Variants in SH3RF3 observed in about 807,000 individuals in gnomAD.
SH3RF3 encodes E3 ubiquitin-protein ligase SH3RF3.
SH3RF3 carries 29 observed loss-of-function variants against 66.3 expected under a neutral mutation model. The ratio of observed to expected loss-of-function variants is 0.44; its 90% CI spans 0.33 to 0.60. SH3RF3 has a LOEUF of 0.60. Ranked by LOEUF, SH3RF3 falls within the 20% of genes least tolerant of loss-of-function variation. The pLI, the probability that SH3RF3 is intolerant of heterozygous loss-of-function variation, is 0.04. For synonymous variants in SH3RF3, 583 were observed against 532.0 expected, an observed-to-expected ratio of 1.10 and a Z score of -1.32; for missense variants, 1,194 against 1,190.9, an observed-to-expected ratio of 1.00 and a Z score of -0.04.
intron 1 of SH3RF3, among the ~76,000 whole-genome samples, chr2:109,254,012 CAG>C (rs1680158445): frequency 6.6e-6 from 1 of 151,892 alleles, no homozygotes; most frequent in Non-Finnish European, 1.5e-5. Flanking sequence ...TCATACAACT[CAG>C]GGGCCAGGCA....
At chr2:109,494,057 A>G (rs1679195941) in intron 9 of SH3RF3, among the ~76,000 whole-genome samples, 1 of 152,170 alleles carries the variant, frequency 6.6e-6, no homozygotes, top group African/African-American at 2.4e-5. Flanking sequence ...GCTCGTGAGA[A>G]TGACAGACTT....
At chr2:109,211,932 C>T (rs1207119263) in intron 1 of SH3RF3, among the ~76,000 whole-genome samples, 3 of 152,170 alleles carry the variant, frequency 2.0e-5, no homozygotes, top group Non-Finnish European at 4.4e-5. Context: ...TGTGAGACAC[C>T]GCACCCAGCC....
At chr2:109,371,262 C>T (rs1474659051) in intron 2 of SH3RF3, among the ~76,000 whole-genome samples, 5 of 152,322 alleles carry the variant, frequency 3.3e-5, no homozygotes, top group Middle Eastern at 3.4e-3. Context: ...TGGTGGCACA[C>T]GCCTGTAATC....
At chr2:109,337,499 G>A (rs1400836807) in intron 1 of SH3RF3, among the ~76,000 whole-genome samples, 2 of 152,232 alleles carry the variant, frequency 1.3e-5, no homozygotes, top group Non-Finnish European at 2.9e-5. Flanking sequence ...AGGCAAGGGC[G>A]GGAGTCCTGG....
intron 1 of SH3RF3, among the ~76,000 whole-genome samples, chr2:109,325,480 A>G (rs1221689375): frequency 1.3e-5 from 2 of 151,800 alleles, no homozygotes; most frequent in South Asian, 4.2e-4. Context: ...AGATGGGACT[A>G]CAGGCATGTG....
Position 109,474,074 on chromosome 2 carries a change from T to C in SH3RF3, c.2149-16531T>C, listed in dbSNP as rs1678607750. On this transcript the variant is annotated intron_variant, in intron 8 of 9. Transcript: ENST00000309415. ...TCCTCACCTTTGGTTTGGGGGTTCG[T>C]GGCTTCCATTTGATGCACAGTCTGG... 2.0e-5 allele frequency among the ~76,000 whole-genome samples: 3 copies of C among 152,224 alleles called. No homozygotes were observed. The South Asian group carries it at 6.2e-4, about 32-fold the overall frequency.
At chr2:109,491,089 G>C (rs1477352732) in intron 9 of SH3RF3, 153 bp downstream of exon 9, 1 of 345,682 alleles carries the variant, frequency 2.9e-6, no homozygotes, top group Non-Finnish European at 4.1e-6. Flanking sequence ...CCGAGCTTGG[G>C]TGGTGAGTGC....
intron 5 of SH3RF3, among the ~76,000 whole-genome samples, chr2:109,430,018 C>T (rs970488523): frequency 6.6e-6 from 1 of 152,220 alleles, no homozygotes; most frequent in Non-Finnish European, 1.5e-5. Flanking sequence ...CTGCACCTTG[C>T]CTACCAGCCC....
intron 1 of SH3RF3, among the ~76,000 whole-genome samples, chr2:109,210,391 C>T (rs2163260): frequency 0.11 from 16,404 of 152,210 alleles, 1,545 homozygotes; most frequent in East Asian, 0.33. Flanking sequence ...TGGTCTTTTC[C>T]GTGCTCCCTC....
intron 1 of SH3RF3, among the ~76,000 whole-genome samples, chr2:109,346,268 C>T (rs1290134902): frequency 1.3e-5 from 2 of 152,140 alleles, no homozygotes. Context: ...GTCAATTTGC[C>T]AGCAGGCTCT....
intron 8 of SH3RF3, among the ~76,000 whole-genome samples, chr2:109,464,080 C>T (rs1678274328): frequency 1.3e-5 from 2 of 152,214 alleles, no homozygotes; most frequent in African/African-American, 4.8e-5. Context: ...CCAGCCCCCA[C>T]ACTGCCAGCA....
intron 1 of SH3RF3, among the ~76,000 whole-genome samples, chr2:109,283,994 G>C (rs558454974): frequency 6.6e-6 from 1 of 152,268 alleles, no homozygotes; most frequent in South Asian, 2.1e-4. Context: ...GTTTTTCCAG[G>C]AGAGCTTGCC....
At chr2:109,365,658 C>T (rs893478635) in intron 2 of SH3RF3, among the ~76,000 whole-genome samples, 1 of 152,064 alleles carries the variant, frequency 6.6e-6, no homozygotes, top group Non-Finnish European at 1.5e-5. Flanking sequence ...GTTACTGTGG[C>T]GGTTGTATTT....
In SH3RF3 at chr2:109,398,962, G is replaced by A; in HGVS notation, c.1299+19G>A. On this transcript the variant is annotated intron_variant, in intron 4 of 9. Coordinates refer to ENST00000309415, the MANE Select transcript of SH3RF3 (RefSeq NM_001099289.3). Reference sequence around the variant, plus strand: ...CACCCAGGTAACATCCCGCGGGCCAGGGCAGGCATCCCTGGGTTCTCTGGG... The same window carrying A: ...CACCCAGGTAACATCCCGCGGGCCAAGGCAGGCATCCCTGGGTTCTCTGGG... The A allele has an allele frequency of 6.3e-7, 1 of 1,598,392 alleles. No homozygotes were observed. Among genetic ancestry groups the A allele is most frequent in the South Asian group, 1.1e-5 (1 of 89,498 alleles).
chr2:109,144,205 C>T (rs1224431427), intron 1 of SH3RF3, among the ~76,000 whole-genome samples: 2 of 152,198 alleles, frequency 1.3e-5, no homozygotes, highest in Non-Finnish European at 2.9e-5. Flanking sequence ...ATTTTCATGA[C>T]ACCACGAAGG....
chr2:109,327,312 C>T (rs1055314752), intron 1 of SH3RF3, among the ~76,000 whole-genome samples: 1 of 152,164 alleles, frequency 6.6e-6, no homozygotes, highest in East Asian at 1.9e-4. Flanking sequence ...CTTTCCCTGC[C>T]GCTGGTAAAT....
intron 1 of SH3RF3, among the ~76,000 whole-genome samples, chr2:109,200,507 C>T (rs1678644336): frequency 6.6e-6 from 1 of 152,148 alleles, no homozygotes; most frequent in South Asian, 2.1e-4. Flanking sequence ...GTCGGCGGGT[C>T]CAAGCCTCCG....
intron 1 of SH3RF3, chr2:109,313,775 G>C (rs555803379): frequency 6.4e-6 from 1 of 155,150 alleles, no homozygotes; most frequent in Admixed American, 6.5e-5. Context: ...GGGGTCAGCT[G>C]CTCCAGGCAG....
intron 5 of SH3RF3, among the ~76,000 whole-genome samples, chr2:109,424,405 C>A (rs1016836279): frequency 6.6e-6 from 1 of 152,192 alleles, no homozygotes; most frequent in Non-Finnish European, 1.5e-5. Flanking sequence ...GGGCTTCAGC[C>A]TCAGAATGCA....
Sources: gnomAD v4.1 joint callset for allele counts (sites outside exome capture counted in the v4.1 genomes callset) on GRCh38, gnomAD v4.1.1 for gene constraint, MANE v1.5 for transcripts, NCBI Gene and HGNC (gene_info 2026-07-23, HGNC 2026-07-21) for gene names.